The following FBXW11 variants were observed in gnomAD, a reference collection of about 807,000 sequenced individuals.
FBXW11 encodes F-box and WD repeat domain containing 11.
Under a neutral mutation model 77.6 loss-of-function variants are expected in FBXW11, and 19 were observed. The observed-to-expected ratio is 0.24, with a 90% CI of 0.17 to 0.36. The LOEUF is 0.36. Ranked by LOEUF, FBXW11 falls within the 10% of genes least tolerant of loss-of-function variation. The probability of loss-of-function intolerance (pLI) is 1.00; values close to 1 mark genes in which losing one functional copy is unlikely to be tolerated. For missense variants in FBXW11, 334 were observed against 704.2 expected, an observed-to-expected ratio of 0.47 and a Z score of 5.95; for synonymous variants, 235 against 249.4, an observed-to-expected ratio of 0.94 and a Z score of 0.54.
At chr5:171,905,848 C>T (rs1291307493) in intron 4 of FBXW11, among the ~76,000 whole-genome samples, 1 of 152,148 alleles carries the variant, frequency 6.6e-6, no homozygotes, top group Admixed American at 6.5e-5. Flanking sequence ...GCTCTCATTA[C>T]TCTATCATGC....
chr5:171,864,954 C>A (rs1757292894), intron 13 of FBXW11, among the ~76,000 whole-genome samples: 1 of 145,006 alleles, frequency 6.9e-6, no homozygotes, highest in African/African-American at 2.6e-5. Context: ...CTAAAGTCAC[C>A]TTAGGTGGCA....
At chr5:171,975,962 G>T (rs142947745) in intron 1 of FBXW11, among the ~76,000 whole-genome samples, 6 of 152,272 alleles carry the variant, frequency 3.9e-5, no homozygotes, top group African/African-American at 1.4e-4. Context: ...TGATTATCAG[G>T]TGAGTTTCCA....
At chr5:171,911,849 T>C (rs1760902758) in intron 3 of FBXW11, among the ~76,000 whole-genome samples, 1 of 152,226 alleles carries the variant, frequency 6.6e-6, no homozygotes, top group African/African-American at 2.4e-5. Flanking sequence ...CCACAACTAC[T>C]ATGAAGTGCA....
chr5:171,879,226 G>A (rs181905686), intron 7 of FBXW11, among the ~76,000 whole-genome samples: 1 of 152,204 alleles, frequency 6.6e-6, no homozygotes, highest in East Asian at 1.9e-4. Context: ...TTTTTAGATT[G>A]GCTTCTTTCA....
chr5:171,931,854 TC>T (rs1561696406), intron 2 of FBXW11, among the ~76,000 whole-genome samples: 5 of 8,376 alleles, frequency 6.0e-4, no homozygotes, highest in Non-Finnish European at 1.1e-3. Context: ...CCTCCCTCCC[TC>T]CCTCCCTCTC....
chr5:171,997,080 A>G (rs1415563216), intron 1 of FBXW11: 2 of 1,289,436 alleles, frequency 1.6e-6, no homozygotes, highest in Non-Finnish European at 2.0e-6. Context: ...CAATCCATAC[A>G]CCCACCATGG....
chr5:171,876,617 G>A lies in FBXW11; in HGVS notation c.972-83C>T. ...TGGTATCTGAGCTCTGTCTGGGTCTGCAATGGTTTGGATATAGTTTGTCTG... is the reference window on the plus strand; with the variant it reads ...TGGTATCTGAGCTCTGTCTGGGTCTACAATGGTTTGGATATAGTTTGTCTG... On this transcript the variant is annotated intron_variant, in intron 8 of 13. Transcript: ENST00000517395. This position sits in a 1 kb window ranked among gnomAD's most constrained non-coding sequence, Gnocchi z 4.2. 2 of 1,525,412 alleles carry A rather than the reference G, an allele frequency of 1.3e-6. No individual in the cohort carries two copies. The highest frequency in any genetic ancestry group is 2.3e-5 in the East Asian group (1 of 43,826). The allele number at this position is 1,525,412 out of a possible 1,614,324, so 94.5% of individuals were successfully genotyped here.
intron 4 of FBXW11, among the ~76,000 whole-genome samples, chr5:171,907,999 A>G (rs555856741): frequency 1.3e-5 from 2 of 152,324 alleles, no homozygotes; most frequent in East Asian, 3.9e-4. Flanking sequence ...AGAAAATAAA[A>G]CCAAAACGGT....
At chr5:171,962,908 T>C (rs927796799) in intron 1 of FBXW11, among the ~76,000 whole-genome samples, 1 of 152,198 alleles carries the variant, frequency 6.6e-6, no homozygotes, top group Non-Finnish European at 1.5e-5. Flanking sequence ...ATCTCTCTAA[T>C]GTTATAACCT....
intron 1 of FBXW11, among the ~76,000 whole-genome samples, chr5:171,968,179 G>T (rs1463840376): frequency 6.6e-6 from 1 of 152,030 alleles, no homozygotes; most frequent in East Asian, 1.9e-4. Context: ...TTTGGTTGCC[G>T]GGCGCAGTGG....
intron 2 of FBXW11, among the ~76,000 whole-genome samples, chr5:171,954,169 A>G (rs143435701): frequency 6.6e-6 from 1 of 152,214 alleles, no homozygotes; most frequent in Non-Finnish European, 1.5e-5. Context: ...TTAAATTTTT[A>G]ACTCCAAAAA....
At chr5:171,977,645 T>C (rs1216457616) in intron 1 of FBXW11, 4 of 450,908 alleles carry the variant, frequency 8.9e-6, no homozygotes, top group African/African-American at 8.0e-5. Flanking sequence ...CAGTTCCACA[T>C]GGATGGGGAG....
intron 1 of FBXW11, among the ~76,000 whole-genome samples, chr5:171,990,983 G>A (rs1346026471): frequency 3.9e-5 from 6 of 151,922 alleles, no homozygotes; most frequent in Admixed American, 3.9e-4. Context: ...ATGCCACCAC[G>A]CTTGGCTAAT....
At chr5:171,968,099 C>A (rs1159546662) in intron 1 of FBXW11, among the ~76,000 whole-genome samples, 1 of 152,000 alleles carries the variant, frequency 6.6e-6, no homozygotes, top group South Asian at 2.1e-4. Context: ...TAGCAACTTG[C>A]CCCCTGACTG....
intron 7 of FBXW11, among the ~76,000 whole-genome samples, chr5:171,886,490 T>A (rs1306034242): frequency 6.6e-6 from 1 of 151,720 alleles, no homozygotes; most frequent in Non-Finnish European, 1.5e-5. Context: ...AGTTAATGGG[T>A]GCAGCACACC....
At chr5:171,982,176 A>G (rs1765182897) in intron 1 of FBXW11, among the ~76,000 whole-genome samples, 1 of 152,230 alleles carries the variant, frequency 6.6e-6, no homozygotes, top group African/African-American at 2.4e-5. Context: ...ACCATAATAA[A>G]GCTGATTAAA....
chr5:171,967,829 G>A (rs1764279455), intron 1 of FBXW11, among the ~76,000 whole-genome samples: 1 of 137,108 alleles, frequency 7.3e-6, no homozygotes, highest in Non-Finnish European at 1.5e-5. Context: ...ACAAGAGCGA[G>A]ACTCTGTCTC....
At position 171,878,112 on chromosome 5, in the gene FBXW11, G is replaced by C. The variant is rs1240537283; in HGVS notation, c.870C>G (p.Ser290Arg). The C allele has an allele frequency of 6.2e-7, 1 of 1,613,422 alleles. No individual in the cohort carries two copies. The highest frequency in any genetic ancestry group is 1.3e-5 in the African/African-American group (1 of 74,878). The change falls in exon 8 of 14, where the codon AGC (serine) becomes AGG (arginine). Residue 290 changes from serine (S) to arginine (R), a missense_variant. Coordinates refer to ENST00000517395, the MANE Select transcript of FBXW11 (RefSeq NM_001378974.1). ...DNSIKIWDKT[S>R]LECLKVLTGH... ...CTGTTAACACTTTCAAACATTCCAG[G>C]CTGGTTTTATCCCATATCTATTGAG...
At chr5:171,938,121 G>A (rs190151215) in intron 2 of FBXW11, among the ~76,000 whole-genome samples, 3 of 152,330 alleles carry the variant, frequency 2.0e-5, no homozygotes, top group Admixed American at 6.5e-5. Flanking sequence ...GCAGTGGCAC[G>A]ATCATAGCTC....
Sources: allele counts gnomAD v4.1 joint callset (sites outside exome capture counted in the v4.1 genomes callset), GRCh38; gene constraint gnomAD v4.1.1; non-coding constraint Gnocchi (gnomAD v3.1); transcripts MANE v1.5; gene names NCBI Gene and HGNC (gene_info 2026-07-23, HGNC 2026-07-21).